The following GABBR2 variants were observed in gnomAD, a reference collection of about 807,000 sequenced individuals.
The protein encoded by GABBR2 is gamma-aminobutyric acid type B receptor subunit 2.
Under a neutral mutation model 105.6 loss-of-function variants are expected in GABBR2, and 23 were observed. That is an observed-to-expected ratio of 0.22 (90% CI 0.16 to 0.31). The LOEUF (loss-of-function observed/expected upper bound fraction) is 0.31. Ranked by LOEUF, GABBR2 falls within the 10% of genes least tolerant of loss-of-function variation. The pLI is 1.00. For synonymous variants in GABBR2, 478 were observed against 499.7 expected, an observed-to-expected ratio of 0.96 and a Z score of 0.58; for missense variants, 734 against 1,245.5, an observed-to-expected ratio of 0.59 and a Z score of 6.18.
intron 5 of GABBR2, among the ~76,000 whole-genome samples, chr9:98,480,239 A>G (rs1337763904): frequency 6.6e-6 from 1 of 152,188 alleles, no homozygotes; most frequent in Non-Finnish European, 1.5e-5. Context: ...GGACATCAAA[A>G]TGGAAACTGA....
At chr9:98,508,489 G>A (rs1026430172) in intron 3 of GABBR2, among the ~76,000 whole-genome samples, 3 of 152,246 alleles carry the variant, frequency 2.0e-5, no homozygotes, top group African/African-American at 4.8e-5. Flanking sequence ...GGAAGCGCAA[G>A]GAGTCAGGGA....
intron 16 of GABBR2, among the ~76,000 whole-genome samples, chr9:98,302,582 C>T (rs981552958): frequency 6.6e-6 from 1 of 152,210 alleles, no homozygotes; most frequent in Admixed American, 6.5e-5. Context: ...GTCCCCCTCC[C>T]TAATCAGAAT....
chr9:98,402,349 A>G (rs770533180), intron 8 of GABBR2, among the ~76,000 whole-genome samples: 62 of 152,270 alleles, frequency 4.1e-4, no homozygotes, highest in Middle Eastern at 6.8e-3. Flanking sequence ...AAAAAAGCCA[A>G]TTCTCTAGTA....
chr9:98,696,423 G>A (rs927494446), intron 1 of GABBR2, among the ~76,000 whole-genome samples: 10 of 152,286 alleles, frequency 6.6e-5, no homozygotes, highest in Middle Eastern at 3.4e-3. Context: ...CAAGAACAAT[G>A]GTGAGTCCCT....
intron 3 of GABBR2, among the ~76,000 whole-genome samples, chr9:98,517,097 T>A (rs895493586): frequency 6.6e-6 from 1 of 152,186 alleles, no homozygotes; most frequent in Non-Finnish European, 1.5e-5. Context: ...GAGGCACTCA[T>A]TCCGGATTTG....
Position 98,689,892 on chromosome 9 carries a change from G to A in GABBR2, c.321+18525C>T, listed in dbSNP as rs1018582554. ...AATCTACTCTGACATTCTGACTTCT[G>A]ACTTCTGACTATAGAGAATGAAAGA... On this transcript the variant is annotated intron_variant, in intron 1 of 18. Transcript: ENST00000259455. 6.6e-5 allele frequency among the ~76,000 whole-genome samples: 10 copies of A among 152,098 alleles called. No individual in the cohort carries two copies. In the South Asian group the frequency reaches 2.1e-3, roughly 32 times the overall value.
intron 1 of GABBR2, among the ~76,000 whole-genome samples, chr9:98,606,126 G>A (rs1300572230): frequency 1.3e-5 from 2 of 152,210 alleles, no homozygotes; most frequent in Non-Finnish European, 2.9e-5. Context: ...CGGCTGCATA[G>A]TATTCCATGG....
chr9:98,460,638 G>A (rs2131612340), intron 6 of GABBR2, among the ~76,000 whole-genome samples: 1 of 152,116 alleles, frequency 6.6e-6, no homozygotes, highest in South Asian at 2.1e-4. Context: ...AATAAGAAAT[G>A]AACATAAGAG....
intron 1 of GABBR2, among the ~76,000 whole-genome samples, chr9:98,642,364 G>A (rs1829975870): frequency 1.3e-5 from 2 of 152,156 alleles, no homozygotes; most frequent in Admixed American, 6.5e-5. Flanking sequence ...TTCTCAGCTG[G>A]ACATTGGCAA....
At chr9:98,590,666 G>T (rs1342044214) in intron 1 of GABBR2, among the ~76,000 whole-genome samples, 1 of 152,314 alleles carries the variant, frequency 6.6e-6, no homozygotes, top group Non-Finnish European at 1.5e-5. Flanking sequence ...GGGCTGGATC[G>T]CCCTCTTAAG....
intron 13 of GABBR2, among the ~76,000 whole-genome samples, chr9:98,341,256 C>G (rs1238372646): frequency 6.6e-6 from 1 of 152,230 alleles, no homozygotes; most frequent in Non-Finnish European, 1.5e-5. Flanking sequence ...CCAGACACAT[C>G]TGTGCCCACA....
intron 7 of GABBR2, among the ~76,000 whole-genome samples, chr9:98,421,935 C>T (rs1832789110): frequency 6.6e-6 from 1 of 152,208 alleles, no homozygotes; most frequent in Non-Finnish European, 1.5e-5. Context: ...TCAAACAAAA[C>T]TTCCAAAGCA....
intron 1 of GABBR2, among the ~76,000 whole-genome samples, chr9:98,595,974 A>G (rs1829228979): frequency 6.6e-6 from 1 of 152,182 alleles, no homozygotes; most frequent in Non-Finnish European, 1.5e-5. Context: ...GGCCAAGTCC[A>G]TGCATCTTGC....
chr9:98,496,936 T>C (rs999212922), intron 3 of GABBR2, among the ~76,000 whole-genome samples: 6 of 152,170 alleles, frequency 3.9e-5, no homozygotes, highest in Non-Finnish European at 5.9e-5. Context: ...AAAGACAATA[T>C]AGAGTAAAGG....
chr9:98,639,188 G>A (rs1348376434), intron 1 of GABBR2, among the ~76,000 whole-genome samples: 1 of 152,116 alleles, frequency 6.6e-6, no homozygotes, highest in African/African-American at 2.4e-5. Context: ...AAGGTGAGTG[G>A]GTCACTCCAT....
intron 1 of GABBR2, among the ~76,000 whole-genome samples, chr9:98,684,307 G>T (rs1008094362): frequency 6.6e-6 from 1 of 151,794 alleles, no homozygotes; most frequent in Non-Finnish European, 1.5e-5. Flanking sequence ...AGATAGTCAG[G>T]TTATAAGTGA....
In GABBR2 at chr9:98,436,350, T is replaced by TAA. The variant is rs1441588080; in HGVS notation, c.1236+17630_1236+17631insTT. Among the ~76,000 whole-genome samples the TAA allele has an allele frequency of 7.4e-3, 8 of 1,080 alleles. 1 individual carries two copies. Among genetic ancestry groups the TAA allele is most frequent in the South Asian group, 0.038 (1 of 26 alleles). 0.7% of individuals were successfully genotyped at this position (1,080 alleles called of 152,430 possible). A position where few individuals can be genotyped will look rare whatever the true frequency, so the allele number is the denominator to read the frequency against. On this transcript the variant is annotated intron_variant, in intron 7 of 18. Transcript: ENST00000259455. The stretch of plus-strand genomic sequence containing the variant: ...TATATATACACACACACACACACCA[T>TAA]ATATATATATATATATATATATATA...
At chr9:98,473,121 T>C in intron 6 of GABBR2, 25 bp downstream of exon 6, 1 of 1,580,296 alleles carries the variant, frequency 6.3e-7, no homozygotes, top group Non-Finnish European at 8.7e-7. Flanking sequence ...GGCCAGAAGG[T>C]TGAAATGGGG....
chr9:98,409,860 G>A (rs948180467), intron 7 of GABBR2, among the ~76,000 whole-genome samples: 6 of 152,278 alleles, frequency 3.9e-5, no homozygotes, highest in African/African-American at 1.2e-4. Flanking sequence ...TTCTGTTCCT[G>A]AAAACATATC....
Sources: allele counts gnomAD v4.1 joint callset (sites outside exome capture counted in the v4.1 genomes callset), GRCh38; gene constraint gnomAD v4.1.1; transcripts MANE v1.5; gene names NCBI Gene and HGNC (gene_info 2026-07-23, HGNC 2026-07-21).